Variants in BPIFB1 observed in about 807,000 individuals in gnomAD.
The protein encoded by BPIFB1 is BPI fold-containing family B member 1.
A neutral mutation model predicts 55.1 loss-of-function variants in BPIFB1; 34 were observed. The observed-to-expected ratio is 0.62, with a 90% CI of 0.47 to 0.82. The LOEUF (loss-of-function observed/expected upper bound fraction) is 0.82. Among genes scored for constraint, BPIFB1 ranks in the 40% least tolerant of loss-of-function variants. BPIFB1 has a pLI of 0.00. For missense variants in BPIFB1, 532 were observed against 593.1 expected (o/e 0.90, Z 1.07); for synonymous variants, 236 against 245.3 (o/e 0.96, Z 0.35).
chr20:33,291,196 C>A, intron 5 of BPIFB1, 90 bp downstream of exon 5: 2 of 1,494,508 alleles, frequency 1.3e-6, no homozygotes, highest in South Asian at 1.2e-5. Context: ...ATGGAGAACG[C>A]TGAGGCCTAG....
intron 8 of BPIFB1, 90 bp from the exon 9 acceptor site, chr20:33,301,143 C>A: frequency 7.6e-7 from 1 of 1,310,438 alleles, no homozygotes; most frequent in Admixed American, 2.1e-5. Context: ...AAAAAGGAAA[C>A]AGGCTGAATG....
rs533347119 is a variant in BPIFB1 at position 33,292,047 on chromosome 20, T to C, written c.597+59T>C. 6.7e-6 allele frequency: 10 copies of C among 1,491,432 alleles called. No individual in the cohort carries two copies. The East Asian group carries it at 9.0e-5, about 13-fold the overall frequency. The allele number at this position is 1,491,432 out of a possible 1,614,324, so 92.4% of individuals were successfully genotyped here. Reference sequence around the variant, plus strand: ...CATTGCGCCCCCTGTGGGGCTTGGGTGGAACTGCAAGTTGGTGCTAAGTGA... The same window carrying C: ...CATTGCGCCCCCTGTGGGGCTTGGGCGGAACTGCAAGTTGGTGCTAAGTGA... On this transcript the variant is annotated intron_variant, in intron 6 of 15. Coordinates refer to ENST00000253354, the MANE Select transcript of BPIFB1 (RefSeq NM_033197.3).
chr20:33,301,704 G>T (rs1167961490), intron 9 of BPIFB1, among the ~76,000 whole-genome samples: 3 of 152,242 alleles, frequency 2.0e-5, no homozygotes, highest in African/African-American at 7.2e-5. Context: ...GTCCAGGGGT[G>T]ATAAATACAT....
rs1981160802 is a variant in BPIFB1, at chr20:33,309,548, C to T, written c.1396-160C>T. Among the ~76,000 whole-genome samples the T allele has an allele frequency of 6.6e-6, 1 of 152,216 alleles. No homozygotes were observed. Among genetic ancestry groups the T allele is most frequent in the Non-Finnish European group, 1.5e-5 (1 of 68,040 alleles). On this transcript the variant is annotated intron_variant, in intron 15 of 15. Coordinates refer to ENST00000253354, the MANE Select transcript of BPIFB1 (RefSeq NM_033197.3). The surrounding 1 kb of genome is among the most constrained non-coding windows in gnomAD (Gnocchi z 4.4). ...CTGGTGTGGCATTAATGTTCACACA[C>T]AGACCCTCCACCCCGACCCTTCTAA...
chr20:33,304,720 A>C, intron 12 of BPIFB1, 126 bp from the exon 13 acceptor site: 1 of 1,163,882 alleles, frequency 8.6e-7, no homozygotes, highest in South Asian at 1.3e-5. Flanking sequence ...CAAGGGCTTC[A>C]TGTGGTTCAC....
chr20:33,302,174 A>T (rs1362700162), intron 9 of BPIFB1, among the ~76,000 whole-genome samples, 185 bp from the exon 10 acceptor site: 2 of 152,048 alleles, frequency 1.3e-5, no homozygotes, highest in East Asian at 3.9e-4. Context: ...GGCCAGCAGG[A>T]CCCCATGCCC....
At chr20:33,305,813 T>C (rs977525758) in intron 13 of BPIFB1, among the ~76,000 whole-genome samples, 189 bp from the exon 14 acceptor site, 31 of 151,982 alleles carry the variant, frequency 2.0e-4, no homozygotes, top group African/African-American at 7.3e-4. Flanking sequence ...CAGGGGCGGC[T>C]GAGTTCATGC....
chr20:33,296,974 A>G (rs1397503803), intron 6 of BPIFB1, among the ~76,000 whole-genome samples: 1 of 152,230 alleles, frequency 6.6e-6, no homozygotes, highest in Non-Finnish European at 1.5e-5. Flanking sequence ...CCCAGGCTGG[A>G]GTGCAGTAGC....
At chr20:33,306,850 G>A (rs374812959) in intron 14 of BPIFB1, 61 bp from the exon 15 acceptor site, 35 of 1,430,906 alleles carry the variant, frequency 2.4e-5, no homozygotes, top group Admixed American at 5.0e-5. Context: ...CCCTGAGCCT[G>A]CCCCTGGCTG....
intron 1 of BPIFB1, among the ~76,000 whole-genome samples, chr20:33,284,135 T>C (rs1980189643): frequency 6.6e-6 from 1 of 152,226 alleles, no homozygotes; most frequent in Non-Finnish European, 1.5e-5. Flanking sequence ...AAATAGATTG[T>C]CTCATTTAAT....
intron 6 of BPIFB1, among the ~76,000 whole-genome samples, chr20:33,292,673 C>CT (rs1476467742): frequency 1.3e-5 from 2 of 151,880 alleles, no homozygotes; most frequent in Non-Finnish European, 2.9e-5. Context: ...GTATTCAGGG[C>CT]TGCACCACCC....
At chr20:33,291,621 C>T (rs1048572027) in intron 5 of BPIFB1, among the ~76,000 whole-genome samples, 6 of 145,530 alleles carry the variant, frequency 4.1e-5, no homozygotes, top group African/African-American at 1.5e-4. Context: ...AAACATGGCG[C>T]CCCCCCTTCC....
chr20:33,304,817 G>A, intron 12 of BPIFB1, 29 bp from the exon 13 acceptor site: 1 of 1,614,082 alleles, frequency 6.2e-7, no homozygotes. Flanking sequence ...GACTTCAGGG[G>A]CCGCTCTCAC....
intron 6 of BPIFB1, among the ~76,000 whole-genome samples, chr20:33,296,168 G>A (rs935095302): frequency 6.6e-6 from 1 of 152,174 alleles, no homozygotes; most frequent in Non-Finnish European, 1.5e-5. Context: ...GGACTCTACT[G>A]TGTAGCCAGG....
chr20:33,306,131 T>G, intron 14 of BPIFB1, 66 bp downstream of exon 14: 1 of 1,557,886 alleles, frequency 6.4e-7, no homozygotes, highest in Admixed American at 1.7e-5. Context: ...CCTGCCCTCA[T>G]CTCCATGAAT....
In BPIFB1 at chr20:33,303,966, C is replaced by T; in HGVS notation, c.1149C>T (p.Ser383=). 3.1e-6 allele frequency: 5 copies of T among 1,613,958 alleles called. No homozygotes were observed. The highest frequency in any genetic ancestry group is 4.2e-6 in the Non-Finnish European group (5 of 1,179,964). Residue 383 remains serine, a synonymous_variant, in exon 12 of 16, where the codon AGC becomes AGT. Coordinates refer to ENST00000253354, the MANE Select transcript of BPIFB1 (RefSeq NM_033197.3). ...GGCTTCTCTTGTTGCAGGAAGCCAG[C>T]TCGGAAGCTCAGTTTTACACCAAAG... is the stretch of plus-strand genomic sequence containing the variant. The part of the protein sequence containing the change: ...RPLFTLGIEA[S]SEAQFYTKGD...
At chr20:33,305,951 G>T in intron 13 of BPIFB1, 51 bp from the exon 14 acceptor site, 2 of 1,594,872 alleles carry the variant, frequency 1.3e-6, no homozygotes, top group Admixed American at 1.7e-5. Flanking sequence ...ATGATGGGGG[G>T]GAACTTCAGA....
At chr20:33,292,140 T>C (rs958150335) in intron 6 of BPIFB1, 152 bp downstream of exon 6, 1 of 740,682 alleles carries the variant, frequency 1.4e-6, no homozygotes, top group Non-Finnish European at 2.3e-6. Context: ...AGTCATGGAG[T>C]GGGGTGGGCC....
intron 3 of BPIFB1, among the ~76,000 whole-genome samples, chr20:33,289,408 A>C (rs1272107001): frequency 6.6e-6 from 1 of 150,906 alleles, no homozygotes; most frequent in African/African-American, 2.5e-5. Context: ...AAAAAAAAAA[A>C]CAACCCAGAG....
Sources: allele counts gnomAD v4.1 joint callset (sites outside exome capture counted in the v4.1 genomes callset), GRCh38; gene constraint gnomAD v4.1.1; non-coding constraint Gnocchi (gnomAD v3.1); transcripts MANE v1.5; gene names NCBI Gene and HGNC (gene_info 2026-07-23, HGNC 2026-07-21).